Variants in CACNB2 observed in about 807,000 individuals in gnomAD.
CACNB2 encodes the protein voltage-dependent L-type calcium channel subunit beta-2.
A neutral mutation model predicts 73.3 loss-of-function variants in CACNB2; 42 were observed. That is an observed-to-expected ratio of 0.57 (90% confidence interval 0.45 to 0.74). The LOEUF (loss-of-function observed/expected upper bound fraction) is 0.74, where lower values mean the gene tolerates loss of function less well. Ranked by LOEUF, CACNB2 falls within the 30% of genes least tolerant of loss-of-function variation. CACNB2 has a pLI of 0.00. For missense variants in CACNB2, 940 were observed against 853.0 expected, an observed-to-expected ratio of 1.10 and a Z score of -1.27; for synonymous variants, 348 against 310.3, an observed-to-expected ratio of 1.12 and a Z score of -1.28.
intron 2 of CACNB2, among the ~76,000 whole-genome samples, chr10:18,379,175 A>G (rs2042917212): frequency 6.6e-6 from 1 of 152,132 alleles, no homozygotes; most frequent in East Asian, 1.9e-4. Context: ...CATAATATAA[A>G]ATTTGCCATT....
chr10:18,450,441 G>GA, intron 3 of CACNB2, among the ~76,000 whole-genome samples: 1 of 151,988 alleles, frequency 6.6e-6, no homozygotes, highest in Non-Finnish European at 1.5e-5. Flanking sequence ...GAATAATGTC[G>GA]AAACAGTGTG....
chr10:18,233,783 A>C (rs1219025202), intron 2 of CACNB2, among the ~76,000 whole-genome samples: 3 of 152,318 alleles, frequency 2.0e-5, no homozygotes, highest in South Asian at 4.1e-4. Flanking sequence ...TGTGGGGCAC[A>C]AAAGAATAAA....
intron 11 of CACNB2, 78 bp downstream of exon 11, chr10:18,534,305 G>C (rs893858988): frequency 2.0e-5 from 25 of 1,268,200 alleles, no homozygotes; most frequent in Non-Finnish European, 2.6e-5. Context: ...CTATAATTAG[G>C]CTATTGTAAT....
At chr10:18,449,620 A>G (rs150216391) in intron 3 of CACNB2, among the ~76,000 whole-genome samples, 19 of 152,322 alleles carry the variant, frequency 1.2e-4, no homozygotes, top group Non-Finnish European at 2.1e-4. Context: ...TCCATTTTAC[A>G]GTTAAAGAAA....
Position 18,401,924 on chromosome 10 carries a change from G to A in CACNB2, c.214G>A (p.Gly72Ser), listed in dbSNP as rs2132535976. The change falls in exon 3 of 14, where the codon GGT becomes AGT. Residue 72 changes from glycine to serine, a missense_variant and splice_region_variant. By Grantham distance (56) the Gly-to-Ser change is moderately conservative (BLOSUM62 0). Transcript: ENST00000324631. ...DTTSNSFVRQ[G>S]SADSYTSRPS... The stretch of plus-strand genomic sequence containing the variant: ...TTAAAATGTACATTTTCCTCTCCAG[G>A]GTTCGGCAGACTCCTACACTAGCCG... 6.2e-7 allele frequency: 1 copy of A among 1,613,998 alleles called. No homozygotes were observed. The highest frequency in any genetic ancestry group is 1.1e-5 in the South Asian group (1 of 91,068).
chr10:18,237,833 A>G (rs1327939450), intron 2 of CACNB2, among the ~76,000 whole-genome samples: 4 of 152,176 alleles, frequency 2.6e-5, no homozygotes, highest in Non-Finnish European at 2.9e-5. Flanking sequence ...GATGGAGTTG[A>G]GTTGTGTTCT....
chr10:18,249,729 G>T (rs1468311635), intron 2 of CACNB2, among the ~76,000 whole-genome samples: 1 of 152,086 alleles, frequency 6.6e-6, no homozygotes, highest in Non-Finnish European at 1.5e-5. Context: ...AAAGCTTGTG[G>T]TTCTCAAGAC....
At chr10:18,445,385 A>G (rs1192761138) in intron 3 of CACNB2, among the ~76,000 whole-genome samples, 4 of 152,190 alleles carry the variant, frequency 2.6e-5, no homozygotes, top group Admixed American at 1.3e-4. Context: ...ACTTTAAAGA[A>G]GAATGTGGAG....
At chr10:18,238,692 C>G (rs191757046) in intron 2 of CACNB2, among the ~76,000 whole-genome samples, 1 of 152,260 alleles carries the variant, frequency 6.6e-6, no homozygotes, top group African/African-American at 2.4e-5. Flanking sequence ...CGTGATCACT[C>G]TAAGAATGAC....
At chr10:18,372,463 A>C (rs2042627738) in intron 2 of CACNB2, among the ~76,000 whole-genome samples, 1 of 152,180 alleles carries the variant, frequency 6.6e-6, no homozygotes, top group African/African-American at 2.4e-5. Context: ...GCTAGAGTGC[A>C]ACGGAGTATC....
intron 6 of CACNB2, among the ~76,000 whole-genome samples, chr10:18,507,608 A>G (rs11819220): frequency 6.9e-4 from 105 of 152,228 alleles, no homozygotes; most frequent in African/African-American, 2.5e-3. Context: ...GGAATTCTAT[A>G]TAGACAGGAG....
At chr10:18,393,187 T>TGACAGAGTGA (rs11281154) in intron 2 of CACNB2, among the ~76,000 whole-genome samples, 118,209 of 150,314 alleles carry the variant, frequency 0.79, 46,983 homozygotes, top group East Asian at 0.98. Context: ...CCAGCCTGGA[T>TGACAGAGTGA]GACTCCATGT....
chr10:18,463,597 TG>T (rs1564577838), intron 3 of CACNB2, among the ~76,000 whole-genome samples: 1 of 146,278 alleles, frequency 6.8e-6, no homozygotes, highest in Non-Finnish European at 1.5e-5. Flanking sequence ...TTTTTTTTGT[TG>T]TTTTTTGTTT....
chr10:18,235,974 T>C (rs1315332637), intron 2 of CACNB2, among the ~76,000 whole-genome samples: 2 of 152,120 alleles, frequency 1.3e-5, no homozygotes, highest in Non-Finnish European at 2.9e-5. Context: ...CACCTCCCCT[T>C]AAACTCTCTT....
chr10:18,373,961 A>G (rs1474733558), intron 2 of CACNB2, among the ~76,000 whole-genome samples: 1 of 152,230 alleles, frequency 6.6e-6, no homozygotes, highest in African/African-American at 2.4e-5. Flanking sequence ...ATAGAAGCAA[A>G]TGTAAACAAA....
chr10:18,482,381 G>T (rs2048826437), intron 3 of CACNB2, among the ~76,000 whole-genome samples: 1 of 152,164 alleles, frequency 6.6e-6, no homozygotes, highest in Non-Finnish European at 1.5e-5. Flanking sequence ...GGGAAGTTCA[G>T]ATTACTACCC....
chr10:18,325,556 TTTTC>T (rs2040551691), intron 2 of CACNB2, among the ~76,000 whole-genome samples: 1 of 151,914 alleles, frequency 6.6e-6, no homozygotes, highest in Non-Finnish European at 1.5e-5. Context: ...TTTCCTTTTC[TTTTC>T]TTTCTTTCCT....
intron 6 of CACNB2, among the ~76,000 whole-genome samples, chr10:18,509,010 G>T (rs959578633): frequency 6.6e-5 from 10 of 152,180 alleles, no homozygotes; most frequent in Non-Finnish European, 1.2e-4. Flanking sequence ...TGATTTAAAT[G>T]TTCACCAAGG....
At chr10:18,297,860 G>A (rs116620026) in intron 2 of CACNB2, among the ~76,000 whole-genome samples, 1,730 of 152,288 alleles carry the variant, frequency 0.011, 42 homozygotes, top group African/African-American at 0.04. Flanking sequence ...ACCCTGCAGC[G>A]CAAATGTGCT....
Sources: allele counts gnomAD v4.1 joint callset (sites outside exome capture counted in the v4.1 genomes callset), GRCh38; gene constraint gnomAD v4.1.1; transcripts MANE v1.5; gene names NCBI Gene and HGNC (gene_info 2026-07-23, HGNC 2026-07-21).